Variants in IL1RAPL1 observed in about 807,000 individuals in gnomAD.
The protein encoded by IL1RAPL1 is interleukin-1 receptor accessory protein-like 1.
Under a neutral mutation model 48.4 loss-of-function variants are expected in IL1RAPL1, and 3 were observed. The ratio of observed to expected loss-of-function variants is 0.06; its 90% confidence interval spans 0.03 to 0.16. The LOEUF is 0.16. IL1RAPL1 is among the 10% of genes least tolerant of loss of function. The pLI is 1.00. For missense variants in IL1RAPL1, 349 were observed against 530.6 expected, an observed-to-expected ratio of 0.66 and a Z score of 3.36; for synonymous variants, 185 against 187.7, an observed-to-expected ratio of 0.99 and a Z score of 0.12.
At chrX:29,319,168 A>G (rs773426544) in intron 3 of IL1RAPL1, among the ~76,000 whole-genome samples, 75 of 58,624 alleles carry the variant, frequency 1.3e-3, no homozygotes, top group Middle Eastern at 7.6e-3. Flanking sequence ...CTGTCTATCT[A>G]TCTATCTATC....
intron 2 of IL1RAPL1, among the ~76,000 whole-genome samples, chrX:29,131,321 A>T (rs902966614): frequency 6.4e-5 from 7 of 110,036 alleles, no homozygotes; most frequent in Non-Finnish European, 1.3e-4. Context: ...TGACCATCCC[A>T]GGCAGACTAA....
At chrX:29,436,973 A>C (rs1418200213) in intron 5 of IL1RAPL1, among the ~76,000 whole-genome samples, 1 of 110,549 alleles carries the variant, frequency 9.0e-6, no homozygotes, top group Non-Finnish European at 1.9e-5. Flanking sequence ...ATTTGGGCAG[A>C]AATTCCTCCA....
intron 2 of IL1RAPL1, among the ~76,000 whole-genome samples, chrX:29,119,012 A>G (rs1021496194): frequency 9.0e-6 from 1 of 111,384 alleles, no homozygotes; most frequent in Non-Finnish European, 1.9e-5. Context: ...AAGAGTATAC[A>G]TTTTAACAAA....
intron 1 of IL1RAPL1, among the ~76,000 whole-genome samples, chrX:28,616,623 G>A (rs1024296042): frequency 2.4e-4 from 26 of 110,507 alleles, no homozygotes; most frequent in South Asian, 3.8e-4. Context: ...TAGTAGAGAC[G>A]GGGTTTCACC....
intron 3 of IL1RAPL1, among the ~76,000 whole-genome samples, chrX:29,346,247 C>T (rs1326036980): frequency 8.9e-6 from 1 of 112,496 alleles, no homozygotes; most frequent in African/African-American, 3.2e-5. Flanking sequence ...TCAACAATCT[C>T]CCATTTGCCA....
chrX:29,335,287 G>A (rs866109748), intron 3 of IL1RAPL1, among the ~76,000 whole-genome samples: 59 of 3,318 alleles, frequency 0.018, 13 homozygotes, highest in Non-Finnish European at 0.14. Flanking sequence ...GAGGGGAGAG[G>A]GGAGAGGGGA....
chrX:28,896,393 C>G (rs1006869224), intron 2 of IL1RAPL1, among the ~76,000 whole-genome samples: 2 of 111,494 alleles, frequency 1.8e-5, no homozygotes, highest in Non-Finnish European at 1.9e-5. Context: ...GGGTTGCTGC[C>G]GAATGAGCCA....
At chrX:29,935,932 G>T (rs2147248510) in intron 8 of IL1RAPL1, among the ~76,000 whole-genome samples, 1 of 111,441 alleles carries the variant, frequency 9.0e-6, no homozygotes, top group Non-Finnish European at 1.9e-5. Context: ...GCTCCATTCA[G>T]GGATCATTTT....
At chrX:28,773,362 C>A (rs1936328961) in intron 1 of IL1RAPL1, among the ~76,000 whole-genome samples, 1 of 111,669 alleles carries the variant, frequency 9.0e-6, no homozygotes, top group Non-Finnish European at 1.9e-5. Flanking sequence ...CAAGAGTCAG[C>A]CACCATGCCT....
chrX:29,364,468 C>A (rs942034787), intron 3 of IL1RAPL1, among the ~76,000 whole-genome samples: 14 of 104,508 alleles, frequency 1.3e-4, no homozygotes, highest in Non-Finnish European at 2.1e-4. Flanking sequence ...GAGGCTTAGG[C>A]AGGAGAGTTG....
intron 2 of IL1RAPL1, among the ~76,000 whole-genome samples, chrX:28,888,242 A>G (rs1922688562): frequency 9.4e-6 from 1 of 105,840 alleles, no homozygotes; most frequent in Non-Finnish European, 1.9e-5. Context: ...GTATCGTCTT[A>G]ATAGGCCACG....
intron 1 of IL1RAPL1, among the ~76,000 whole-genome samples, chrX:28,757,116 T>G (rs1378749920): frequency 8.9e-6 from 1 of 112,578 alleles, no homozygotes; most frequent in African/African-American, 3.2e-5. Context: ...TCTTTCTTTA[T>G]CCTTCAATTT....
At chrX:29,695,296 A>G (rs1926879063) in intron 6 of IL1RAPL1, among the ~76,000 whole-genome samples, 1 of 111,777 alleles carries the variant, frequency 8.9e-6, no homozygotes, top group Non-Finnish European at 1.9e-5. Context: ...CCCAAGAAGT[A>G]TGATGGTAAG....
rs57126796 is a variant in IL1RAPL1, at chrX:29,336,269, C to CATATATATATATATATATAT, written c.362+53055_362+53074dup. On this transcript the variant is annotated intron_variant, in intron 3 of 10. Transcript: ENST00000378993. ...CCTTTAATATATTACATATATATGCCATATATATATATATATATATATGCA... is the reference window on the plus strand; with the variant it reads ...CCTTTAATATATTACATATATATGCCATATATATATATATATATATATATATATATATATATATATATGCA... 3.9e-3 allele frequency among the ~76,000 whole-genome samples: 225 copies of CATATATATATATATATATAT among 57,447 alleles called. 7 individuals carry two copies. The highest frequency in any genetic ancestry group is 9.4e-3 in the African/African-American group (151 of 16,115). The allele number at this position is 57,447 out of a possible 115,157, so 49.9% of individuals were successfully genotyped here.
At chrX:28,866,416 T>C (rs1483351732) in intron 2 of IL1RAPL1, among the ~76,000 whole-genome samples, 1 of 111,315 alleles carries the variant, frequency 9.0e-6, no homozygotes, top group Non-Finnish European at 1.9e-5. Flanking sequence ...AGGCTACAAA[T>C]TGGGTTCAGT....
At chrX:28,991,956 T>G (rs932711956) in intron 2 of IL1RAPL1, among the ~76,000 whole-genome samples, 1 of 111,845 alleles carries the variant, frequency 8.9e-6, no homozygotes, top group Non-Finnish European at 1.9e-5. Context: ...CTTTCGAGTT[T>G]GGTGCTATAA....
intron 6 of IL1RAPL1, among the ~76,000 whole-genome samples, chrX:29,776,272 C>T (rs1441871450): frequency 9.0e-6 from 1 of 111,539 alleles, no homozygotes; most frequent in Non-Finnish European, 1.9e-5. Flanking sequence ...TTGAATATAG[C>T]AGGCACTTAG....
At chrX:28,722,431 A>G (rs1205993340) in intron 1 of IL1RAPL1, among the ~76,000 whole-genome samples, 2 of 111,424 alleles carry the variant, frequency 1.8e-5, no homozygotes, top group Non-Finnish European at 3.8e-5. Context: ...TGATTTTTGC[A>G]CATTGATTTT....
At chrX:29,336,180 G>GGT (rs1221336781) in intron 3 of IL1RAPL1, among the ~76,000 whole-genome samples, 4 of 93,429 alleles carry the variant, frequency 4.3e-5, no homozygotes, top group East Asian at 3.2e-4. Context: ...TGGTAGAAAA[G>GGT]GTGTGTGTGT....
Sources: allele counts gnomAD v4.1 joint callset (sites outside exome capture counted in the v4.1 genomes callset), GRCh38; gene constraint gnomAD v4.1.1; transcripts MANE v1.5; gene names NCBI Gene and HGNC (gene_info 2026-07-23, HGNC 2026-07-21).